OLFML2A: variants seen among roughly 807,000 people sequenced by gnomAD.
The protein encoded by OLFML2A is olfactomedin-like protein 2A.
A neutral mutation model predicts 60.9 loss-of-function variants in OLFML2A; 47 were observed. The observed-to-expected ratio is 0.77, with a 90% CI of 0.61 to 0.98. OLFML2A has a LOEUF of 0.98. Ranked by LOEUF, OLFML2A falls within the 50% of genes least tolerant of loss-of-function variation. The pLI, the probability that OLFML2A is intolerant of heterozygous loss-of-function variation, is 0.00. For missense variants in OLFML2A, 922 were observed against 879.8 expected (o/e 1.05, Z -0.61); for synonymous variants, 372 against 375.0 (o/e 0.99, Z 0.09).
chr9:124,777,357 T>G lies in OLFML2A; in HGVS notation c.87T>G (p.Ser29Arg). The G allele has an allele frequency of 7.8e-7, 1 of 1,283,504 alleles. No homozygotes were observed. The highest frequency in any genetic ancestry group is 3.2e-5 in the East Asian group (1 of 31,184). 79.5% of individuals were successfully genotyped at this position (1,283,504 alleles called of 1,614,324 possible). A position where few individuals can be genotyped will look rare whatever the true frequency, so the allele number is the denominator to read the frequency against. The stretch of plus-strand genomic sequence containing the variant: ...GCGGCCGCCCCACGCGCGCCGACAG[T>G]AAGGTACGCACGCCCCTCGGACCCG... ...LLSGRPTRAD[S>R]KVFGDLDQVR... is the part of the protein sequence containing the mutation. The change falls in exon 1 of 8, where the codon AGT (serine) becomes AGG (arginine). Residue 29 changes from serine (S) to arginine (R), a missense_variant. By Grantham distance (110) the Ser-to-Arg change is moderately radical (BLOSUM62 -1). Coordinates refer to ENST00000373580, the MANE Select transcript of OLFML2A (RefSeq NM_182487.4). The surrounding 1 kb of genome is among the most constrained non-coding windows in gnomAD (Gnocchi z 6.2).
At chr9:124,806,711 G>A (rs1174199222) in intron 6 of OLFML2A, among the ~76,000 whole-genome samples, 1 of 151,902 alleles carries the variant, frequency 6.6e-6, no homozygotes, top group Non-Finnish European at 1.5e-5. Flanking sequence ...ACCTCCTGCA[G>A]TGATTCTCCT....
intron 5 of OLFML2A, 51 bp from the exon 6 acceptor site, chr9:124,804,043 C>T: frequency 6.3e-7 from 1 of 1,593,436 alleles, no homozygotes; most frequent in Non-Finnish European, 8.6e-7. Flanking sequence ...GGGAGACCCA[C>T]ACGGCAGCAG....
Position 124,811,111 on chromosome 9 carries a change from C to G in OLFML2A, c.*699C>G, listed in dbSNP as rs1236386167. 4 of 152,830 alleles carry G rather than the reference C, an allele frequency of 2.6e-5. No homozygotes were observed. In the East Asian group the frequency reaches 5.8e-4, roughly 22 times the overall value. The allele number at this position is 152,830 out of a possible 1,614,324, so 9.5% of individuals were successfully genotyped here. On this transcript the variant is annotated 3_prime_UTR_variant, in exon 8 of 8. Coordinates refer to ENST00000373580, the MANE Select transcript of OLFML2A (RefSeq NM_182487.4). The stretch of plus-strand genomic sequence containing the variant: ...TAGCTGCTGAGCAGAAACCGCACCC[C>G]GAGAGAAAATCCCATCCTCTGTTCC...
intron 1 of OLFML2A, chr9:124,778,916 C>T (rs992061122): frequency 1.0e-6 from 1 of 983,222 alleles, no homozygotes; most frequent in Middle Eastern, 5.2e-4. Context: ...ACCTCTCCAG[C>T]CTCTTTCCTG....
chr9:124,777,337 C>A lies in OLFML2A; in HGVS notation c.67C>A (p.Arg23Ser). ...GCCGCTAGTGCTGCTGCTGAGCGGC[C>A]GCCCCACGCGCGCCGACAGTAAGGT... is the stretch of plus-strand genomic sequence containing the variant. ...LLPLVLLLSG[R>S]PTRADSKVFG... Residue 23 changes from arginine to serine, a missense_variant, in exon 1 of 8, where the codon CGC (arginine) becomes AGC (serine). Physicochemically the swap from Arg to Ser is moderately radical, Grantham distance 110. Transcript: ENST00000373580. The surrounding 1 kb of genome is among the most constrained non-coding windows in gnomAD (Gnocchi z 6.2). 5 of 1,290,264 alleles carry A rather than the reference C, an allele frequency of 3.9e-6. No individual in the cohort carries two copies. Among genetic ancestry groups the A allele is most frequent in the Non-Finnish European group, 4.9e-6 (5 of 1,014,032 alleles). 79.9% of individuals were successfully genotyped at this position (1,290,264 alleles called of 1,614,324 possible).
rs1841327719 is a variant in OLFML2A at position 124,779,801 on chromosome 9, C to T, written c.90+2441C>T. ...CTGTTTTCATTATCACTCGCTCCTT[C>T]CCCCATCACAACCCCGCCTTCCTCT... On this transcript the variant is annotated intron_variant, in intron 1 of 7. Coordinates refer to ENST00000373580, the MANE Select transcript of OLFML2A (RefSeq NM_182487.4). The surrounding 1 kb of genome is among the most constrained non-coding windows in gnomAD (Gnocchi z 4.1). Among the ~76,000 whole-genome samples, 1 of 152,228 alleles carries T rather than the reference C, an allele frequency of 6.6e-6. No homozygotes were observed. The highest frequency in any genetic ancestry group is 2.1e-4 in the South Asian group (1 of 4,828).
intron 4 of OLFML2A, chr9:124,801,079 G>A (rs759666356): frequency 5.8e-6 from 9 of 1,549,562 alleles, no homozygotes; most frequent in Middle Eastern, 3.3e-4. Context: ...GGGAAGGTGA[G>A]CAGGTGGAGG....
At chr9:124,808,556 C>A (rs770947814) in intron 7 of OLFML2A, among the ~76,000 whole-genome samples, 7 of 151,994 alleles carry the variant, frequency 4.6e-5, no homozygotes, top group Non-Finnish European at 1.5e-5. Flanking sequence ...CTTAAAGAGA[C>A]GATTTCAGTA....
At chr9:124,795,201 GC>G in intron 3 of OLFML2A, 70 bp downstream of exon 3, 1 of 890,642 alleles carries the variant, frequency 1.1e-6, no homozygotes, top group South Asian at 1.6e-5. Flanking sequence ...GTCCGAAGGG[GC>G]CCCGGCAATC....
rs1842057314 is a variant in OLFML2A at position 124,813,350 on chromosome 9, A to G, written c.*2938A>G. The G allele has an allele frequency of 6.6e-6, 1 of 152,264 alleles. No individual in the cohort carries two copies. The highest frequency in any genetic ancestry group is 2.4e-5 in the African/African-American group (1 of 41,470). The allele number at this position is 152,264 out of a possible 1,614,324, so 9.4% of individuals were successfully genotyped here. A position where few individuals can be genotyped will look rare whatever the true frequency, so the allele number is the denominator to read the frequency against. ...GAACCAGGTTTCAAAATCAGGTAAG[A>G]AAACCATCATCATTAACTGAGCACC... On this transcript the variant is annotated 3_prime_UTR_variant, in exon 8 of 8. Transcript: ENST00000373580.
intron 4 of OLFML2A, 33 bp from the exon 5 acceptor site, chr9:124,801,381 T>C: frequency 6.2e-7 from 1 of 1,610,890 alleles, no homozygotes; most frequent in South Asian, 1.1e-5. Context: ...TCTTCTACTG[T>C]CCTTCAAGTC....
intron 1 of OLFML2A, among the ~76,000 whole-genome samples, chr9:124,784,459 C>G (rs1841421079): frequency 6.6e-6 from 1 of 152,140 alleles, no homozygotes; most frequent in Non-Finnish European, 1.5e-5. Flanking sequence ...GCCTCGGCCT[C>G]CCAAAGTGCT....
In OLFML2A at chr9:124,810,798, G is replaced by T. The variant is rs188732571; in HGVS notation, c.*386G>T. The T allele has an allele frequency of 1.6e-5, 3 of 190,344 alleles. No individual in the cohort carries two copies. Among genetic ancestry groups the T allele is most frequent in the Non-Finnish European group, 3.0e-5 (3 of 99,428 alleles). 11.8% of individuals were successfully genotyped at this position (190,344 alleles called of 1,614,324 possible). A position where few individuals can be genotyped will look rare whatever the true frequency, so the allele number is the denominator to read the frequency against. On this transcript the variant is annotated 3_prime_UTR_variant, in exon 8 of 8. Transcript: ENST00000373580. ...TTTAGGGATGAGGAGACTTCACCACGCCCTCCCCTCCCTGCCCTCCCCCAT... is the reference window on the plus strand; with the variant it reads ...TTTAGGGATGAGGAGACTTCACCACTCCCTCCCCTCCCTGCCCTCCCCCAT...
chr9:124,785,390 C>CTTTTTTTTTTT (rs1171618111), intron 1 of OLFML2A, among the ~76,000 whole-genome samples: 123 of 62,250 alleles, frequency 2.0e-3, no homozygotes, highest in Admixed American at 2.2e-3. Context: ...CATTTTCTTT[C>CTTTTTTTTTTT]TTTTTTTTTT....
chr9:124,790,519 C>T (rs1011371479), intron 2 of OLFML2A, among the ~76,000 whole-genome samples: 2 of 152,140 alleles, frequency 1.3e-5, no homozygotes, highest in African/African-American at 4.8e-5. Context: ...ACTGAAGAAT[C>T]GTGAGACCAC....
intron 4 of OLFML2A, chr9:124,800,813 C>G (rs897889906): frequency 3.7e-6 from 5 of 1,343,454 alleles, no homozygotes; most frequent in Non-Finnish European, 4.8e-6. Flanking sequence ...TTGTGCCAAG[C>G]CAGCATCGGA....
chr9:124,810,362 G>A lies in OLFML2A; in HGVS notation c.1909G>A (p.Ala637Thr). 1.2e-6 allele frequency: 2 copies of A among 1,602,426 alleles called. No individual in the cohort carries two copies. Among genetic ancestry groups the A allele is most frequent in the South Asian group, 1.1e-5 (1 of 91,044 alleles). The change falls in exon 8 of 8, where the codon GCC becomes ACC. Residue 637 changes from alanine to threonine, a missense_variant. Physicochemically the swap from Ala to Thr is moderately conservative, Grantham distance 58. Coordinates refer to ENST00000373580, the MANE Select transcript of OLFML2A (RefSeq NM_182487.4). Reference protein sequence around the residue: ...DYNPKERVLYAWDNGHQLTYT... With the variant: ...DYNPKERVLYTWDNGHQLTYT... ...CAACCCCAAGGAGCGGGTGCTGTAC[G>A]CCTGGGACAATGGCCACCAGCTCAC...
chr9:124,793,238 A>G (rs2131258727), intron 2 of OLFML2A, among the ~76,000 whole-genome samples: 1 of 152,310 alleles, frequency 6.6e-6, no homozygotes, highest in South Asian at 2.1e-4. Flanking sequence ...CTGGTTTCCC[A>G]ACCAGCCCCT....
Position 124,810,666 on chromosome 9 carries a change from G to A in OLFML2A, c.*254G>A. On this transcript the variant is annotated 3_prime_UTR_variant, in exon 8 of 8. Transcript: ENST00000373580. ...TCCTAGCACCTCCCTTGGAGGTAGAGATCATGAACCCATTTAACAGACGAG... is the reference window on the plus strand; with the variant it reads ...TCCTAGCACCTCCCTTGGAGGTAGAAATCATGAACCCATTTAACAGACGAG... 1.8e-6 allele frequency: 1 copy of A among 543,956 alleles called. No homozygotes were observed. The allele number at this position is 543,956 out of a possible 1,614,324, so 33.7% of individuals were successfully genotyped here.
Sources: allele counts gnomAD v4.1 joint callset (sites outside exome capture counted in the v4.1 genomes callset), GRCh38; gene constraint gnomAD v4.1.1; non-coding constraint Gnocchi (gnomAD v3.1); transcripts MANE v1.5; gene names NCBI Gene and HGNC (gene_info 2026-07-23, HGNC 2026-07-21).